DDX24: variants seen among roughly 807,000 people sequenced by gnomAD.
DDX24 encodes the protein DEAD-box helicase 24, also known as ATP-dependent RNA helicase DDX24.
Under a neutral mutation model 68.9 loss-of-function variants are expected in DDX24, and 24 were observed. That is an observed-to-expected ratio of 0.35 (90% confidence interval 0.25 to 0.49). DDX24 has a LOEUF of 0.49. Among genes scored for constraint, DDX24 ranks in the 20% least tolerant of loss-of-function variants. The pLI is 0.99. For missense variants in DDX24, 989 were observed against 1,039.0 expected (o/e 0.95, Z 0.66); for synonymous variants, 395 against 385.2 (o/e 1.03, Z -0.30).
chr14:94,051,771 C>T, intron 8 of DDX24: 1 of 302,308 alleles, frequency 3.3e-6, no homozygotes, highest in East Asian at 5.5e-5. Context: ...CAGAGCCAGT[C>T]ATCAGACAGA....
At chr14:94,075,634 AAATTC>A (rs1885922254) in intron 2 of DDX24, among the ~76,000 whole-genome samples, 1 of 152,202 alleles carries the variant, frequency 6.6e-6, no homozygotes, top group African/African-American at 2.4e-5. Context: ...CCAAAAGCAT[AAATTC>A]ATAAAAGACA....
Position 94,081,131 on chromosome 14 carries a change from C to G in DDX24, c.-18G>C, listed in dbSNP as rs1421752715. The stretch of plus-strand genomic sequence containing the variant: ...TTTTGGTACTCACCGTGTGGAGACG[C>G]CACCGCAGCTCCGTCAGTCGCGAGT... On this transcript the variant is annotated 5_prime_UTR_variant, in exon 1 of 9. Transcript: ENST00000621632. The G allele has an allele frequency of 1.3e-5, 2 of 152,316 alleles. No individual in the cohort carries two copies. Among genetic ancestry groups the G allele is most frequent in the Non-Finnish European group, 2.9e-5 (2 of 68,114 alleles). The allele number at this position is 152,316 out of a possible 1,614,324, so 9.4% of individuals were successfully genotyped here. A position where few individuals can be genotyped will look rare whatever the true frequency, so the allele number is the denominator to read the frequency against.
At chr14:94,069,684 C>T (rs1295142322) in intron 2 of DDX24, among the ~76,000 whole-genome samples, 1 of 152,160 alleles carries the variant, frequency 6.6e-6, no homozygotes, top group Non-Finnish European at 1.5e-5. Context: ...GGTTTCATGC[C>T]AGGGATGCAG....
rs1182372756 is a variant in DDX24, at chr14:94,048,754, G to C, written c.*2437C>G. The C allele has an allele frequency of 8.2e-6, 1 of 122,026 alleles. No individual in the cohort carries two copies. The highest frequency in any genetic ancestry group is 1.6e-5 in the Non-Finnish European group (1 of 61,576). The allele number at this position is 122,026 out of a possible 1,614,324, so 7.6% of individuals were successfully genotyped here. A position where few individuals can be genotyped will look rare whatever the true frequency, so the allele number is the denominator to read the frequency against. ...AGCAGGAGTGTCAGGGGAACCATGAGAGAGAGTCTAGGAGCAAACACATCA... is the reference window on the plus strand; with the variant it reads ...AGCAGGAGTGTCAGGGGAACCATGACAGAGAGTCTAGGAGCAAACACATCA... On this transcript the variant is annotated 3_prime_UTR_variant, in exon 9 of 9. Transcript: ENST00000621632.
chr14:94,070,150 A>G (rs908887906), intron 2 of DDX24, among the ~76,000 whole-genome samples: 1 of 152,216 alleles, frequency 6.6e-6, no homozygotes, highest in African/African-American at 2.4e-5. Context: ...AAAACTGATA[A>G]ACAATTCAGC....
chr14:94,071,149 TCAAA>T (rs1287057401), intron 2 of DDX24, among the ~76,000 whole-genome samples: 1 of 150,608 alleles, frequency 6.6e-6, no homozygotes, highest in Admixed American at 6.6e-5. Context: ...TACAGCAAAC[TCAAA>T]CAAATCAGTA....
Position 94,079,123 on chromosome 14 carries a change from A to C in DDX24, c.620T>G (p.Leu207Arg). ...GGGTGCAGAGAAGCCTAGAAAGCTG[A>C]GTGCTCGGAGAACCGGCCTGGGAAC... is the stretch of plus-strand genomic sequence containing the variant. ...LFVPRPVLRALSFLGFSAPTP... is the reference protein window; with the variant it reads ...LFVPRPVLRARSFLGFSAPTP... The change falls in exon 2 of 9, where the codon CTC becomes CGC. Residue 207 changes from leucine to arginine, a missense_variant. Coordinates refer to ENST00000621632, the MANE Select transcript of DDX24 (RefSeq NM_020414.4). 6.2e-7 allele frequency: 1 copy of C among 1,614,210 alleles called. No homozygotes were observed. The highest frequency in any genetic ancestry group is 8.5e-7 in the Non-Finnish European group (1 of 1,180,044).
At chr14:94,061,199 G>T in intron 3 of DDX24, 133 bp from the exon 4 acceptor site, 2 of 1,049,212 alleles carry the variant, frequency 1.9e-6, no homozygotes, top group Non-Finnish European at 2.8e-6. Context: ...TGCTAAAAGA[G>T]CAGGCCTGGC....
chr14:94,050,663 T>A lies in DDX24; in HGVS notation c.*528A>T, dbSNP rs529907627. On this transcript the variant is annotated 3_prime_UTR_variant, in exon 9 of 9. Transcript: ENST00000621632. ...GTGGCTCAGACAATACCCAGGAGAG[T>A]GGAGAGAGCTAAGGAGCTATTAGGG... 1 of 152,044 alleles carries A rather than the reference T, an allele frequency of 6.6e-6. No homozygotes were observed. Among genetic ancestry groups the A allele is most frequent in the East Asian group, 1.9e-4 (1 of 5,158 alleles). 9.4% of individuals were successfully genotyped at this position (152,044 alleles called of 1,614,324 possible). A position where few individuals can be genotyped will look rare whatever the true frequency, so the allele number is the denominator to read the frequency against.
At chr14:94,068,521 A>T (rs536540145) in intron 2 of DDX24, among the ~76,000 whole-genome samples, 60 of 152,354 alleles carry the variant, frequency 3.9e-4, no homozygotes, top group African/African-American at 1.4e-3. Flanking sequence ...GACTTAACAG[A>T]TATATACAGA....
chr14:94,066,312 C>A (rs1425594025), intron 2 of DDX24, among the ~76,000 whole-genome samples: 1 of 152,122 alleles, frequency 6.6e-6, no homozygotes, highest in African/African-American at 2.4e-5. Flanking sequence ...GGGAATCTAA[C>A]CCCCATCCCC....
At chr14:94,075,680 C>CT (rs1303356954) in intron 2 of DDX24, among the ~76,000 whole-genome samples, 10 of 152,294 alleles carry the variant, frequency 6.6e-5, no homozygotes, top group African/African-American at 2.2e-4. Context: ...AAAATAAAGA[C>CT]TTTCTGCTCT....
intron 8 of DDX24, among the ~76,000 whole-genome samples, chr14:94,052,035 A>C (rs1303790525): frequency 2.0e-5 from 3 of 152,240 alleles, no homozygotes; most frequent in African/African-American, 7.2e-5. Context: ...GGGCCTCCAC[A>C]TCTTCGGCCC....
At chr14:94,057,573 T>G in intron 6 of DDX24, 1 of 460,312 alleles carries the variant, frequency 2.2e-6, no homozygotes, top group Non-Finnish European at 3.8e-6. Flanking sequence ...CAGAAAAAAC[T>G]AAGACTCTAA....
At chr14:94,069,063 A>G (rs1885774329) in intron 2 of DDX24, among the ~76,000 whole-genome samples, 1 of 152,172 alleles carries the variant, frequency 6.6e-6, no homozygotes, top group Non-Finnish European at 1.5e-5. Flanking sequence ...AACAAAAGAT[A>G]AACAAAACAA....
intron 7 of DDX24, among the ~76,000 whole-genome samples, chr14:94,053,639 AC>A (rs1265030222): frequency 6.6e-6 from 1 of 150,710 alleles, no homozygotes; most frequent in East Asian, 2.0e-4. Context: ...ACATGGAGAA[AC>A]CCCGTCTCTA....
rs1567056574 is a variant in DDX24 at position 94,051,441 on chromosome 14, T to C, written c.2330A>G (p.Glu777Gly). ...MYKGGKADQQ[E>G]ERRRQKQMKV... ...CATCTGCTTTTGTCTCCGACGTTCT[T>C]CTTGCTGGTCAGCTTTTCCTCCTTG... Residue 777 changes from glutamate to glycine, a missense_variant, in exon 9 of 9, where the codon GAA becomes GGA. Physicochemically the swap from Glu to Gly is moderately conservative, Grantham distance 98. Transcript: ENST00000621632. 3.2e-6 allele frequency: 5 copies of C among 1,563,050 alleles called. No individual in the cohort carries two copies. Among genetic ancestry groups the C allele is most frequent in the Non-Finnish European group, 4.3e-6 (5 of 1,157,128 alleles).
At position 94,053,118 on chromosome 14, in the gene DDX24, G is replaced by A. The variant is rs762638786; in HGVS notation, c.2188C>T (p.Arg730Cys). The A allele has an allele frequency of 1.2e-5, 19 of 1,614,108 alleles. No individual in the cohort carries two copies. The highest frequency in any genetic ancestry group is 2.2e-5 in the South Asian group (2 of 91,070). The stretch of plus-strand genomic sequence containing the variant: ...GATTTCTCAATCTGTCGAGCTAAAC[G>A]GATTCGCTCCTGGGGGGAAGTAACA... Reference protein sequence around the residue: ...KYMDVVKERIRLARQIEKSEY... With the variant: ...KYMDVVKERICLARQIEKSEY... The change falls in exon 8 of 9, where the codon CGT becomes TGT. Residue 730 changes from arginine (R) to cysteine (C), a missense_variant. Arg to Cys is a radical substitution (Grantham distance 180). Coordinates refer to ENST00000621632, the MANE Select transcript of DDX24 (RefSeq NM_020414.4).
rs760638468 is a variant in DDX24 at position 94,079,049 on chromosome 14, C to T, written c.694G>A (p.Asp232Asn). 13 of 1,613,818 alleles carry T rather than the reference C, an allele frequency of 8.1e-6. No homozygotes were observed. Among genetic ancestry groups the T allele is most frequent in the Non-Finnish European group, 9.3e-6 (11 of 1,179,884 alleles). The change falls in exon 2 of 9, where the codon GAC becomes AAC. Residue 232 changes from aspartate to asparagine, a missense_variant. Asp to Asn is a conservative substitution (Grantham distance 23). Coordinates refer to ENST00000621632, the MANE Select transcript of DDX24 (RefSeq NM_020414.4). ...CCTGTCTCAGCAGCCCCAAGGATGT[C>T]CAGTTTGTCACGGATGGCAGGTGCC... ...TLAPAIRDKL[D>N]ILGAAETGSG...
Sources: allele counts gnomAD v4.1 joint callset (sites outside exome capture counted in the v4.1 genomes callset), GRCh38; gene constraint gnomAD v4.1.1; transcripts MANE v1.5; gene names NCBI Gene and HGNC (gene_info 2026-07-23, HGNC 2026-07-21).